The following NTMT1 variants were observed in gnomAD, a reference collection of about 807,000 sequenced individuals.
NTMT1 encodes N-terminal Xaa-Pro-Lys N-methyltransferase 1.
Under a neutral mutation model 17.5 loss-of-function variants are expected in NTMT1, and 8 were observed. The observed-to-expected ratio is 0.46, with a 90% CI of 0.27 to 0.82. The LOEUF (loss-of-function observed/expected upper bound fraction) is 0.82. NTMT1 is among the 40% of genes least tolerant of loss of function. The pLI, the probability that NTMT1 is intolerant of heterozygous loss-of-function variation, is 0.15. For missense variants in NTMT1, 221 were observed against 303.5 expected (o/e 0.73, Z 2.02); for synonymous variants, 128 against 126.8 (o/e 1.01, Z -0.06).
chr9:129,613,880 C>G lies in NTMT1; in HGVS notation c.-55+4702C>G, dbSNP rs1031778630. On this transcript the variant is annotated intron_variant, in intron 1 of 3. Transcript: ENST00000372486. This position sits in a 1 kb window ranked among gnomAD's most constrained non-coding sequence, Gnocchi z 6.2. ...GCAGTGGGGAGACCACTTACCCCAT[C>G]ATAGAAATCCCAGAAACCATGCTGA... 1.3e-5 allele frequency among the ~76,000 whole-genome samples: 2 copies of G among 152,226 alleles called. No individual in the cohort carries two copies. Among genetic ancestry groups the G allele is most frequent in the African/African-American group, 4.8e-5 (2 of 41,462 alleles).
Position 129,620,629 on chromosome 9 carries a change from CG to C in NTMT1, c.-55+11453del. On this transcript the variant is annotated intron_variant, in intron 1 of 3. Coordinates refer to the NTMT1 transcript ENST00000372486. The surrounding 1 kb of genome is among the most constrained non-coding windows in gnomAD (Gnocchi z 5.8). Reference sequence around the variant, plus strand: ...CTCAGCGCGCGTGGGTGGGGGGCGCCGGCTGAGGTGGGGAGGGCATAGTCCA... The same window carrying C: ...CTCAGCGCGCGTGGGTGGGGGGCGCCGCTGAGGTGGGGAGGGCATAGTCCA... 1 of 1,281,488 alleles carries C rather than the reference CG, an allele frequency of 7.8e-7. No individual in the cohort carries two copies. The highest frequency in any genetic ancestry group is 9.9e-7 in the Non-Finnish European group (1 of 1,013,570). 79.4% of individuals were successfully genotyped at this position (1,281,488 alleles called of 1,614,324 possible).
rs533356766 is a variant in NTMT1, at chr9:129,614,150, A to G, written c.-55+4972A>G. Among the ~76,000 whole-genome samples the G allele has an allele frequency of 3.9e-5, 6 of 152,252 alleles. No homozygotes were observed. Among genetic ancestry groups the G allele is most frequent in the African/African-American group, 1.2e-4 (5 of 41,556 alleles). On this transcript the variant is annotated intron_variant, in intron 1 of 3. Coordinates refer to the NTMT1 transcript ENST00000372486. The surrounding 1 kb of genome is among the most constrained non-coding windows in gnomAD (Gnocchi z 4.4). ...CCTGTATGCACCAACTGCCATTCAC[A>G]TGAAATTGTTTCTCTTGGGCTTGTC...
chr9:129,623,617 C>T (rs1460598604), upstream of NTMT1, among the ~76,000 whole-genome samples: 1 of 152,140 alleles, frequency 6.6e-6, no homozygotes, highest in African/African-American at 2.4e-5. Flanking sequence ...ATTCAAATAA[C>T]AGAGTGACTC....
At chr9:129,623,052 AGCCGG>A (rs1830784453), upstream of NTMT1, among the ~76,000 whole-genome samples, 1 of 147,268 alleles carries the variant, frequency 6.8e-6, no homozygotes, top group Non-Finnish European at 1.5e-5. Flanking sequence ...AGAAAGAAAG[AGCCGG>A]GCACGGTGGC....
chr9:129,629,957 A>G (rs7020262), intron 1 of NTMT1, among the ~76,000 whole-genome samples: 151,479 of 152,320 alleles, frequency 0.99, 75,322 homozygotes, highest in East Asian at 1. Flanking sequence ...TCTGAAGAGA[A>G]GTTTAAGCAG....
intron 1 of NTMT1, chr9:129,619,498 C>G: frequency 6.4e-7 from 1 of 1,567,856 alleles, no homozygotes; most frequent in Non-Finnish European, 8.8e-7. Flanking sequence ...ACTACCCTAC[C>G]CTTATCCCGC....
chr9:129,623,470 CTG>C (rs1391719113), upstream of NTMT1, among the ~76,000 whole-genome samples: 2 of 152,208 alleles, frequency 1.3e-5, no homozygotes, highest in African/African-American at 2.4e-5. Context: ...GGCCTTATCT[CTG>C]AGTCTTGGCT....
upstream of NTMT1, among the ~76,000 whole-genome samples, chr9:129,623,823 CTTTTCTT>C (rs1183704180): frequency 1.9e-5 from 2 of 107,832 alleles, no homozygotes; most frequent in East Asian, 2.6e-4. Context: ...TTTTTCTTTT[CTTTTCTT>C]TTTTTTTTTT....
intron 1 of NTMT1, among the ~76,000 whole-genome samples, chr9:129,616,051 C>A (rs1255136029): frequency 1.3e-5 from 2 of 152,110 alleles, no homozygotes; most frequent in African/African-American, 4.8e-5. Context: ...TCATGCAGTC[C>A]TGGGTTTCAT....
Position 129,635,227 on chromosome 9 carries a change from C to A in NTMT1, c.435C>A (p.His145Gln), listed in dbSNP as rs766089614. Residue 145 changes from histidine to glutamine, a missense_variant, in exon 4 of 4, where the codon CAC becomes CAA. Physicochemically the swap from His to Gln is conservative, Grantham distance 24. Transcript: ENST00000372483. ...QWVIGHLTDQ[H>Q]LAEFLRRCKG... ...CCCCAGGCCACCTCACCGATCAGCA[C>A]CTGGCCGAGTTCCTGCGGCGCTGCA... 6.2e-6 allele frequency: 10 copies of A among 1,611,004 alleles called. No homozygotes were observed.
In NTMT1 at chr9:129,620,192, C is replaced by CG; in HGVS notation, c.-55+11019dup. On this transcript the variant is annotated intron_variant, in intron 1 of 3. Transcript: ENST00000372486. This position sits in a 1 kb window ranked among gnomAD's most constrained non-coding sequence, Gnocchi z 5.8. Reference sequence around the variant, plus strand: ...GGGGTCCTCCCTGGCCACGCGCCTCCGGGGGCGCTCGCGCTCTCCAGGCCC... The same window carrying CG: ...GGGGTCCTCCCTGGCCACGCGCCTCCGGGGGGCGCTCGCGCTCTCCAGGCCC... 2.1e-6 allele frequency: 3 copies of CG among 1,447,842 alleles called. No homozygotes were observed. Among genetic ancestry groups the CG allele is most frequent in the South Asian group, 1.5e-5 (1 of 68,914 alleles). 89.7% of individuals were successfully genotyped at this position (1,447,842 alleles called of 1,614,324 possible). A position where few individuals can be genotyped will look rare whatever the true frequency, so the allele number is the denominator to read the frequency against.
At chr9:129,633,162 C>T (rs930671466) in intron 2 of NTMT1, 3 of 469,948 alleles carry the variant, frequency 6.4e-6, no homozygotes, top group African/African-American at 2.0e-5. Context: ...CCCTTGCTCT[C>T]CTGCCATGTC....
intron 1 of NTMT1, among the ~76,000 whole-genome samples, chr9:129,619,266 T>C (rs933368252): frequency 2.0e-5 from 3 of 152,116 alleles, no homozygotes; most frequent in African/African-American, 4.8e-5. Flanking sequence ...AAAATGAATA[T>C]ATGAATAGAT....
rs935789738 is a variant in NTMT1 at position 129,614,199 on chromosome 9, G to GC, written c.-55+5024dup. Among the ~76,000 whole-genome samples the GC allele has an allele frequency of 8.5e-5, 13 of 152,176 alleles. No individual in the cohort carries two copies. The highest frequency in any genetic ancestry group is 8.8e-5 in the Non-Finnish European group (6 of 68,032). On this transcript the variant is annotated intron_variant, in intron 1 of 3. Coordinates refer to the NTMT1 transcript ENST00000372486. The surrounding 1 kb of genome is among the most constrained non-coding windows in gnomAD (Gnocchi z 4.4). ...TCCTGGCCTTGGATTCCCAAGAGGG[G>GC]CCCGGGGTCACTCTGGCTTCTATAT... is the stretch of plus-strand genomic sequence containing the variant.
At chr9:129,625,699 C>T (rs1830862390), upstream of NTMT1, among the ~76,000 whole-genome samples, 1 of 151,934 alleles carries the variant, frequency 6.6e-6, no homozygotes, top group African/African-American at 2.4e-5. Flanking sequence ...GACCCCGTCT[C>T]TAATTTTTTT....
At chr9:129,629,216 T>TG (rs1831027159) in intron 1 of NTMT1, among the ~76,000 whole-genome samples, 1 of 152,114 alleles carries the variant, frequency 6.6e-6, no homozygotes, top group African/African-American at 2.4e-5. Context: ...CTCCGGTACC[T>TG]GCTGGCAGAG....
chr9:129,620,736 G>C lies in NTMT1; in HGVS notation c.-55+11558G>C, dbSNP rs1830663188. 3.5e-6 allele frequency: 2 copies of C among 569,848 alleles called. No individual in the cohort carries two copies. Among genetic ancestry groups the C allele is most frequent in the South Asian group, 9.2e-5 (1 of 10,874 alleles). 35.3% of individuals were successfully genotyped at this position (569,848 alleles called of 1,614,324 possible). ...GCCCGGCGGACAGCGAGTGGCTTCAGGCGAGAGCTCCCAGAGCCTCTGTTT... is the reference window on the plus strand; with the variant it reads ...GCCCGGCGGACAGCGAGTGGCTTCACGCGAGAGCTCCCAGAGCCTCTGTTT... On this transcript the variant is annotated intron_variant, in intron 1 of 3. Transcript: ENST00000372486. This position sits in a 1 kb window ranked among gnomAD's most constrained non-coding sequence, Gnocchi z 5.8.
At chr9:129,630,028 TAAG>T (rs1466695942) in intron 1 of NTMT1, among the ~76,000 whole-genome samples, 3 of 152,246 alleles carry the variant, frequency 2.0e-5, no homozygotes, top group African/African-American at 4.8e-5. Context: ...ATCACGGATC[TAAG>T]AAGAACCCCG....
In NTMT1 at chr9:129,613,009, C is replaced by A. The variant is rs1830162553; in HGVS notation, c.-55+3831C>A. 1 of 1,514,176 alleles carries A rather than the reference C, an allele frequency of 6.6e-7. No individual in the cohort carries two copies. The highest frequency in any genetic ancestry group is 2.4e-5 in the East Asian group (1 of 42,516). 93.8% of individuals were successfully genotyped at this position (1,514,176 alleles called of 1,614,324 possible). ...CTTGGCTCTCAGGGAGGGTCCACTC[C>A]CAGCCCCAGCCACTCCACCAAACAG... On this transcript the variant is annotated intron_variant, in intron 1 of 3. Coordinates refer to the NTMT1 transcript ENST00000372486. The surrounding 1 kb of genome is among the most constrained non-coding windows in gnomAD (Gnocchi z 6.2).
Sources: allele counts gnomAD v4.1 joint callset (sites outside exome capture counted in the v4.1 genomes callset), GRCh38; gene constraint gnomAD v4.1.1; non-coding constraint Gnocchi (gnomAD v3.1); transcripts MANE v1.5; gene names NCBI Gene and HGNC (gene_info 2026-07-23, HGNC 2026-07-21).